Variants in RGPD3 observed in about 807,000 individuals in gnomAD.
RGPD3 encodes the protein RANBP2 like and GRIP domain containing 3.
RGPD3 carries 62 observed loss-of-function variants against 154.5 expected under a neutral mutation model. That is an observed-to-expected ratio of 0.40 (90% CI 0.33 to 0.50). The LOEUF (loss-of-function observed/expected upper bound fraction) is 0.50, where lower values mean the gene tolerates loss of function less well. Ranked by LOEUF, RGPD3 falls within the 20% of genes least tolerant of loss-of-function variation. The pLI is 0.59. For synonymous variants in RGPD3, 308 were observed against 607.0 expected (o/e 0.51, Z 7.24); for missense variants, 919 against 1,716.8 (o/e 0.54, Z 8.21).
intron 1 of RGPD3, among the ~76,000 whole-genome samples, chr2:106,460,683 A>G (rs1247325067): frequency 4.5e-5 from 1 of 22,408 alleles, no homozygotes; most frequent in Non-Finnish European, 8.6e-5. Flanking sequence ...CCTCCTTTCT[A>G]CTAAAAATAC....
At chr2:106,469,437 C>T (rs76556557), upstream of RGPD3, among the ~76,000 whole-genome samples, 24 of 152,276 alleles carry the variant, frequency 1.6e-4, no homozygotes, top group East Asian at 2.1e-3. Context: ...TTCAATGTTC[C>T]GCAAATGTGC....
At chr2:106,414,088 G>A (rs1269570017) in intron 21 of RGPD3, among the ~76,000 whole-genome samples, 1 of 151,774 alleles carries the variant, frequency 6.6e-6, no homozygotes, top group African/African-American at 2.4e-5. Context: ...TGAAAATTCA[G>A]GAATATAAGA....
chr2:106,424,196 A>G lies in RGPD3; in HGVS notation c.3771T>C (p.Asp1257=), dbSNP rs1247915843. The change falls in exon 20 of 23, where the codon GAT becomes GAC. Residue 1257 remains aspartate (D), a synonymous_variant. Coordinates refer to ENST00000409886, the MANE Select transcript of RGPD3 (RefSeq NM_001144013.2). ...TACTACTGACACTATCATCCAAAGC[A>G]TCTTCCCTTAAATCATAGTTATCCC... ...LEWDNYDLRE[D]ALDDSVSSSS... is the part of the protein sequence containing the mutation. 46 of 1,611,798 alleles carry G rather than the reference A, an allele frequency of 2.9e-5. No homozygotes were observed. The highest frequency in any genetic ancestry group is 3.6e-5 in the Non-Finnish European group (43 of 1,179,864).
chr2:106,469,355 A>G (rs1456530900), upstream of RGPD3, among the ~76,000 whole-genome samples: 2 of 151,816 alleles, frequency 1.3e-5, no homozygotes, highest in African/African-American at 4.8e-5. Flanking sequence ...AAAAAGTTGG[A>G]AACCATTTTC....
At chr2:106,468,163 C>G (rs1342398386) in intron 1 of RGPD3, 54 bp downstream of exon 1, 30 of 1,550,074 alleles carry the variant, frequency 1.9e-5, no homozygotes, top group Middle Eastern at 4.6e-4. Flanking sequence ...CGGGCCGGGT[C>G]GAGGCCGCCG....
At position 106,468,321 on chromosome 2, in the gene RGPD3, G is replaced by A. The variant is rs9751479; in HGVS notation, c.-33C>T. On this transcript the variant is annotated 5_prime_UTR_variant, in exon 1 of 23. Coordinates refer to ENST00000409886, the MANE Select transcript of RGPD3 (RefSeq NM_001144013.2). ...CCAACCTGGCTCCCGAGATGCGTGA[G>A]ACCAGCGCTCAGCCCCGCAGCAGTC... 3.3e-5 allele frequency: 52 copies of A among 1,587,754 alleles called. No individual in the cohort carries two copies. In the African/African-American group the frequency reaches 6.2e-4, roughly 19 times the overall value.
In RGPD3 at chr2:106,425,176, C is replaced by T. The variant is rs535868406; in HGVS notation, c.2791G>A (p.Gly931Arg). 2.4e-4 allele frequency: 380 copies of T among 1,611,788 alleles called. 2 individuals carry two copies. Among genetic ancestry groups the T allele is most frequent in the South Asian group, 2.3e-3 (210 of 90,964 alleles). ...DGFKFGISEP[G>R]NQEKKSEKPL... ...TTTTCACTTTTCTTTTCTTGATTTC[C>T]TGGTTCCGAAATGCCAAATTTAAAT... Residue 931 changes from glycine to arginine, a missense_variant, in exon 20 of 23, where the codon GGA (glycine) becomes AGA (arginine). Physicochemically the swap from Gly to Arg is moderately radical, Grantham distance 125. Coordinates refer to ENST00000409886, the MANE Select transcript of RGPD3 (RefSeq NM_001144013.2).
chr2:106,468,847 A>G (rs1203623990), upstream of RGPD3, among the ~76,000 whole-genome samples: 1 of 136,802 alleles, frequency 7.3e-6, no homozygotes. Context: ...CTAAACTGTG[A>G]TTTGAGGCAG....
In RGPD3 at chr2:106,407,329, C is replaced by G. The variant is rs577015665; in HGVS notation, c.5267-2100G>C. Among the ~76,000 whole-genome samples the G allele has an allele frequency of 2.9e-3, 444 of 152,222 alleles. 1 individual carries two copies. The highest frequency in any genetic ancestry group is 0.01 in the African/African-American group (418 of 41,530). On this transcript the variant is annotated intron_variant, in intron 22 of 22. Coordinates refer to ENST00000409886, the MANE Select transcript of RGPD3 (RefSeq NM_001144013.2). ...GGTTAAAAATAACTCATTAGGTTAG[C>G]CTACTGGCTCTCAAGGGGAAGAGAT...
At chr2:106,457,220 T>G in intron 3 of RGPD3, 97 bp from the exon 4 acceptor site, 6 of 1,501,994 alleles carry the variant, frequency 4.0e-6, no homozygotes, top group South Asian at 2.6e-5. Flanking sequence ...GGTTAAAAAT[T>G]ATCACTCCAA....
At chr2:106,466,352 A>C (rs1472398692) in intron 1 of RGPD3, among the ~76,000 whole-genome samples, 3 of 150,062 alleles carry the variant, frequency 2.0e-5, no homozygotes, top group Non-Finnish European at 4.5e-5. Flanking sequence ...CGCCTGAGCC[A>C]TCGAGGCCGC....
At chr2:106,412,108 C>A (rs1479480652) in intron 22 of RGPD3, among the ~76,000 whole-genome samples, 1 of 145,892 alleles carries the variant, frequency 6.9e-6, no homozygotes, top group Non-Finnish European at 1.5e-5. Flanking sequence ...ATAGCGTCTT[C>A]CTTGTGCTTG....
chr2:106,405,961 CT>C (rs56088274), intron 22 of RGPD3, among the ~76,000 whole-genome samples: 18,458 of 145,162 alleles, frequency 0.13, 1,203 homozygotes, highest in East Asian at 0.53. Context: ...GAATCAATGT[CT>C]GTTCTTGAAC....
intron 20 of RGPD3, among the ~76,000 whole-genome samples, chr2:106,421,417 T>C (rs1473276395): frequency 3.3e-5 from 5 of 151,954 alleles, no homozygotes; most frequent in African/African-American, 4.8e-5. Context: ...GATTAAGAGC[T>C]ACCTTAGCTG....
At chr2:106,462,689 T>C (rs917839988) in intron 1 of RGPD3, among the ~76,000 whole-genome samples, 4 of 151,928 alleles carry the variant, frequency 2.6e-5, no homozygotes, top group Admixed American at 6.6e-5. Flanking sequence ...GAATTTCTCT[T>C]TTTTTTTAAA....
chr2:106,423,807 T>A lies in RGPD3; in HGVS notation c.4160A>T (p.Asn1387Ile), dbSNP rs1364103390. 14 of 1,611,926 alleles carry A rather than the reference T, an allele frequency of 8.7e-6. No homozygotes were observed. Among genetic ancestry groups the A allele is most frequent in the Non-Finnish European group, 1.1e-5 (13 of 1,179,878 alleles). The change falls in exon 20 of 23, where the codon AAT (asparagine) becomes ATT (isoleucine). Residue 1387 changes from asparagine to isoleucine, a missense_variant. Coordinates refer to ENST00000409886, the MANE Select transcript of RGPD3 (RefSeq NM_001144013.2). ...RGIGDIKILQ[N>I]YDNKHVRILM... ...TATACGAACGTGCTTATTATCATAATTCTGTAAAATCTTTATATCACCAAT... is the reference window on the plus strand; with the variant it reads ...TATACGAACGTGCTTATTATCATAAATCTGTAAAATCTTTATATCACCAAT...
Position 106,468,396 on chromosome 2 carries a change from C to T in RGPD3, c.-108G>A. The T allele has an allele frequency of 6.5e-7, 1 of 1,535,112 alleles. No homozygotes were observed. The highest frequency in any genetic ancestry group is 8.8e-7 in the Non-Finnish European group (1 of 1,138,712). ...GAAAGCCACTGAGGCAGCGGCGTAG[C>T]CGGCGGAGGACCACTGTGACGAACT... On this transcript the variant is annotated 5_prime_UTR_variant, in exon 1 of 23. Transcript: ENST00000409886.
chr2:106,438,440 A>C (rs1677642558), intron 9 of RGPD3, among the ~76,000 whole-genome samples: 1 of 150,008 alleles, frequency 6.7e-6, no homozygotes, highest in Non-Finnish European at 1.5e-5. Flanking sequence ...GTGACCTACG[A>C]TCACGCCACT....
chr2:106,466,314 A>T (rs1389998249), intron 1 of RGPD3, among the ~76,000 whole-genome samples: 13 of 151,096 alleles, frequency 8.6e-5, no homozygotes, highest in South Asian at 2.1e-4. Context: ...AGAGCGCGCC[A>T]GGGAGCAGCG....
Sources: gnomAD v4.1 joint callset for allele counts (sites outside exome capture counted in the v4.1 genomes callset) on GRCh38, gnomAD v4.1.1 for gene constraint, MANE v1.5 for transcripts, NCBI Gene and HGNC (gene_info 2026-07-23, HGNC 2026-07-21) for gene names.